Variants in TRMT9B observed in about 807,000 individuals in gnomAD.
TRMT9B encodes tRNA methyltransferase 9B (putative).
A neutral mutation model predicts 11.5 loss-of-function variants in TRMT9B; 16 were observed. The observed-to-expected ratio is 1.39, with a 90% CI of 0.94 to 2.11. The LOEUF (loss-of-function observed/expected upper bound fraction) is 2.11. TRMT9B is among the 30% of genes most tolerant of loss of function. The pLI is 0.00. For synonymous variants in TRMT9B, 274 were observed against 192.4 expected (o/e 1.42, Z -3.51); for missense variants, 941 against 553.8 (o/e 1.70, Z -7.02).
intron 1 of TRMT9B, among the ~76,000 whole-genome samples, chr8:12,969,201 T>C (rs555887990): frequency 1.5e-4 from 23 of 151,838 alleles, no homozygotes; most frequent in Non-Finnish European, 2.9e-4. Flanking sequence ...AGTGAAACTG[T>C]GTCTAAAAAC....
At chr8:13,020,602 T>C (rs1030091708) in intron 4 of TRMT9B, among the ~76,000 whole-genome samples, 2 of 152,206 alleles carry the variant, frequency 1.3e-5, no homozygotes, top group African/African-American at 4.8e-5. Context: ...AATTACCTCA[T>C]AGAATTCAAA....
At position 13,021,516 on chromosome 8, in the gene TRMT9B, T is replaced by G. The variant is rs201315040; in HGVS notation, c.837T>G (p.Ser279Arg). 1.9e-6 allele frequency: 3 copies of G among 1,613,648 alleles called. No homozygotes were observed. The highest frequency in any genetic ancestry group is 2.7e-5 in the African/African-American group (2 of 74,918). ...RPLKNTEVWASSTVTVQPSRH... is the reference protein window; with the variant it reads ...RPLKNTEVWARSTVTVQPSRH... ...TGAAAAACACAGAAGTTTGGGCCAG[T>G]AGCACTGTAACAGTCCAGCCTTCCA... Residue 279 changes from serine (S) to arginine (R), a missense_variant, in exon 5 of 5, where the codon AGT (serine) becomes AGG (arginine). Ser to Arg is a moderately radical substitution (Grantham distance 110). Coordinates refer to ENST00000524591, the MANE Select transcript of TRMT9B (RefSeq NM_020844.3).
intron 1 of TRMT9B, among the ~76,000 whole-genome samples, chr8:12,978,233 T>C (rs2128871711): frequency 6.6e-6 from 1 of 152,326 alleles, no homozygotes; most frequent in East Asian, 1.9e-4. Context: ...ATCATCAAGC[T>C]CCTTGGCTGA....
intron 4 of TRMT9B, among the ~76,000 whole-genome samples, chr8:13,017,614 CT>C (rs34715221): frequency 3.5e-4 from 41 of 117,536 alleles, no homozygotes; most frequent in East Asian, 2.9e-3. Flanking sequence ...CATTTGTAGG[CT>C]TTTTTTTTTT....
At chr8:13,010,786 G>C in intron 3 of TRMT9B, 12 of 982,176 alleles carry the variant, frequency 1.2e-5, no homozygotes, top group Non-Finnish European at 1.5e-5. Context: ...TCTTAAAATA[G>C]GACCATCGTC....
At chr8:13,011,611 GGTTTA>G in intron 3 of TRMT9B, 2 of 950,632 alleles carry the variant, frequency 2.1e-6, no homozygotes, top group African/African-American at 4.0e-5. Flanking sequence ...GTTTCAAGGT[GGTTTA>G]TTCATTCATG....
At chr8:13,001,463 A>G (rs1401354725) in intron 2 of TRMT9B, among the ~76,000 whole-genome samples, 1 of 152,204 alleles carries the variant, frequency 6.6e-6, no homozygotes, top group African/African-American at 2.4e-5. Flanking sequence ...CTTTTTATAA[A>G]CCATCTTAGA....
At position 12,981,140 on chromosome 8, in the gene TRMT9B, A is replaced by G. The variant is rs539131593; in HGVS notation, c.-199-9694A>G. On this transcript the variant is annotated intron_variant, in intron 1 of 4. Transcript: ENST00000524591. ...TAATAGAAGCAACACATTGATTTAG[A>G]AAAGGAGCTTGTGCTGGAATATAAA... Among the ~76,000 whole-genome samples, 58 of 152,312 alleles carry G rather than the reference A, an allele frequency of 3.8e-4. 1 individual carries two copies. In the South Asian group the frequency reaches 0.012, roughly 31 times the overall value.
At chr8:12,998,126 A>G (rs564816503) in intron 2 of TRMT9B, among the ~76,000 whole-genome samples, 1 of 152,276 alleles carries the variant, frequency 6.6e-6, no homozygotes, top group South Asian at 2.1e-4. Flanking sequence ...AGAATTGTTT[A>G]TATTCTGGAT....
Position 13,023,616 on chromosome 8 carries a change from G to A in TRMT9B, c.*1572G>A, listed in dbSNP as rs915287428. 2 of 167,064 alleles carry A rather than the reference G, an allele frequency of 1.2e-5. No individual in the cohort carries two copies. The highest frequency in any genetic ancestry group is 2.9e-5 in the Non-Finnish European group (2 of 68,104). The allele number at this position is 167,064 out of a possible 1,614,324, so 10.3% of individuals were successfully genotyped here. A position where few individuals can be genotyped will look rare whatever the true frequency, so the allele number is the denominator to read the frequency against. On this transcript the variant is annotated 3_prime_UTR_variant, in exon 5 of 5. Coordinates refer to ENST00000524591, the MANE Select transcript of TRMT9B (RefSeq NM_020844.3). ...GAAGCAGAAATAAGTTGACCCAGGAGTACAGTCTCAAGTAGTTCATTAATG... is the reference window on the plus strand; with the variant it reads ...GAAGCAGAAATAAGTTGACCCAGGAATACAGTCTCAAGTAGTTCATTAATG...
At chr8:13,018,332 G>T (rs983045043) in intron 4 of TRMT9B, among the ~76,000 whole-genome samples, 2 of 147,518 alleles carry the variant, frequency 1.4e-5, no homozygotes, top group Non-Finnish European at 3.0e-5. Flanking sequence ...AACTCAGAAG[G>T]CAGAGGCTGC....
In TRMT9B at chr8:13,023,400, T is replaced by G. The variant is rs1814256522; in HGVS notation, c.*1356T>G. 6.0e-6 allele frequency: 1 copy of G among 167,074 alleles called. No individual in the cohort carries two copies. Among genetic ancestry groups the G allele is most frequent in the Non-Finnish European group, 1.5e-5 (1 of 68,116 alleles). The allele number at this position is 167,074 out of a possible 1,614,324, so 10.3% of individuals were successfully genotyped here. Reference sequence around the variant, plus strand: ...TTTATTTTATTGAAGGTGACTACATTTTATTAGTTATATTAGGAATTTAGG... The same window carrying G: ...TTTATTTTATTGAAGGTGACTACATGTTATTAGTTATATTAGGAATTTAGG... On this transcript the variant is annotated 3_prime_UTR_variant, in exon 5 of 5. Coordinates refer to ENST00000524591, the MANE Select transcript of TRMT9B (RefSeq NM_020844.3).
Position 13,008,886 on chromosome 8 carries a change from G to A in TRMT9B, c.154+2530G>A, listed in dbSNP as rs576668598. Reference sequence around the variant, plus strand: ...TGGGACTACAGTTGCCCGCCACCACGCCCAGCTAATTTTTTGTATTTTTAG... The same window carrying A: ...TGGGACTACAGTTGCCCGCCACCACACCCAGCTAATTTTTTGTATTTTTAG... On this transcript the variant is annotated intron_variant, in intron 3 of 4. Transcript: ENST00000524591. Among the ~76,000 whole-genome samples the A allele has an allele frequency of 2.9e-4, 44 of 152,142 alleles. 1 individual carries two copies. In the South Asian group the frequency reaches 7.5e-3, roughly 26 times the overall value.
At chr8:13,009,508 C>G (rs1015751470) in intron 3 of TRMT9B, among the ~76,000 whole-genome samples, 2 of 152,152 alleles carry the variant, frequency 1.3e-5, no homozygotes, top group African/African-American at 4.8e-5. Context: ...GTCCCTGGCG[C>G]CAAGCAACCC....
intron 2 of TRMT9B, among the ~76,000 whole-genome samples, chr8:12,994,630 C>T (rs886096643): frequency 1.3e-5 from 2 of 152,182 alleles, no homozygotes; most frequent in African/African-American, 4.8e-5. Context: ...TTTGGGGAAC[C>T]CTTGAATTGA....
intron 2 of TRMT9B, among the ~76,000 whole-genome samples, chr8:13,001,266 C>G (rs141296885): frequency 2.0e-4 from 30 of 152,304 alleles, no homozygotes; most frequent in African/African-American, 7.0e-4. Context: ...CTGGGTCAGT[C>G]TCACCCATGG....
chr8:12,990,328 T>G (rs1260794238), intron 1 of TRMT9B, among the ~76,000 whole-genome samples: 1 of 152,198 alleles, frequency 6.6e-6, no homozygotes, highest in East Asian at 1.9e-4. Context: ...GGTGCATTAT[T>G]TTTTTAATAA....
At chr8:13,015,279 T>C (rs1025045707) in intron 4 of TRMT9B, among the ~76,000 whole-genome samples, 12 of 151,924 alleles carry the variant, frequency 7.9e-5, no homozygotes, top group Non-Finnish European at 1.3e-4. Flanking sequence ...TTGTTACATC[T>C]TGATATTTTA....
At chr8:13,010,319 A>G (rs1811363162) in intron 3 of TRMT9B, 4 of 957,876 alleles carry the variant, frequency 4.2e-6, no homozygotes, top group South Asian at 9.7e-5. Flanking sequence ...GATGCATTTT[A>G]ATGAAATTGA....
Sources: gnomAD v4.1 joint callset for allele counts (sites outside exome capture counted in the v4.1 genomes callset) on GRCh38, gnomAD v4.1.1 for gene constraint, MANE v1.5 for transcripts, NCBI Gene and HGNC (gene_info 2026-07-23, HGNC 2026-07-21) for gene names.